APOM: variants seen among roughly 807,000 people sequenced by gnomAD.
The protein encoded by APOM is NG20-like protein.
A neutral mutation model predicts 23.5 loss-of-function variants in APOM; 24 were observed. The ratio of observed to expected loss-of-function variants is 1.02; its 90% CI spans 0.74 to 1.44. The LOEUF (loss-of-function observed/expected upper bound fraction) is 1.44, where lower values mean the gene tolerates loss of function less well. Among genes scored for constraint, APOM ranks in the 40% most tolerant of loss-of-function variants. The probability of loss-of-function intolerance (pLI) is 0.00; values close to 1 mark genes in which losing one functional copy is unlikely to be tolerated. For missense variants in APOM, 200 were observed against 233.2 expected (o/e 0.86, Z 0.93); for synonymous variants, 82 against 84.1 (o/e 0.97, Z 0.14).
At chr6:31,653,160 T>A (rs936762546), upstream of APOM, among the ~76,000 whole-genome samples, 1 of 152,182 alleles carries the variant, frequency 6.6e-6, no homozygotes, top group Admixed American at 6.5e-5. Flanking sequence ...AAAGTAAACG[T>A]GCTACTAAGT....
Position 31,656,471 on chromosome 6 carries a change from G to A in APOM, c.115-1G>A, listed in dbSNP as rs761476661. 3.1e-6 allele frequency: 5 copies of A among 1,613,670 alleles called. No homozygotes were observed. The African/African-American group carries it at 5.3e-5, about 17-fold the overall frequency. On this transcript the variant is annotated splice_acceptor_variant, in intron 1 of 5. Coordinates refer to ENST00000375916, the MANE Select transcript of APOM (RefSeq NM_019101.3). LOFTEE classifies it high-confidence loss of function. ...TTTTGCTCCCTTCATTGTCTCTCCAGTTCCCAGAGGTCCACTTGGGCCAGT... is the reference window on the plus strand; with the variant it reads ...TTTTGCTCCCTTCATTGTCTCTCCAATTCCCAGAGGTCCACTTGGGCCAGT...
rs41267062 is a variant in APOM at position 31,655,916 on chromosome 6, G to A, written c.-51G>A. 25 of 1,281,062 alleles carry A rather than the reference G, an allele frequency of 2.0e-5. No individual in the cohort carries two copies. Among genetic ancestry groups the A allele is most frequent in the Non-Finnish European group, 2.7e-5 (24 of 900,914 alleles). 79.4% of individuals were successfully genotyped at this position (1,281,062 alleles called of 1,614,324 possible). On this transcript the variant is annotated 5_prime_UTR_variant, in exon 1 of 6. Coordinates refer to ENST00000375916, the MANE Select transcript of APOM (RefSeq NM_019101.3). ...AGCAGAGTGGACTGAGCAGCCAGTA[G>A]GGGAGAGAGCAGTTAAGGCACACAG...
upstream of APOM, among the ~76,000 whole-genome samples, chr6:31,653,667 T>A (rs1235980918): frequency 6.6e-6 from 1 of 152,170 alleles, no homozygotes; most frequent in African/African-American, 2.4e-5. Flanking sequence ...ACTGCCCCAA[T>A]AAAAAGCTGT....
rs1309696253 is a variant in APOM, at chr6:31,656,029, C to T, written c.63C>T (p.Tyr21=). Residue 21 remains tyrosine, a synonymous_variant, in exon 1 of 6, where the codon TAC becomes TAT. Coordinates refer to ENST00000375916, the MANE Select transcript of APOM (RefSeq NM_019101.3). The stretch of plus-strand genomic sequence containing the variant: ...ATGGTATTATCCTTAACTCCATCTA[C>T]CAGTGCCCTGAGCACAGTCAACTGA... The part of the protein sequence containing the change: ...YFYGIILNSI[Y]QCPEHSQLTT... The T allele has an allele frequency of 1.2e-5, 19 of 1,594,144 alleles. No individual in the cohort carries two copies. The highest frequency in any genetic ancestry group is 1.6e-5 in the Non-Finnish European group (19 of 1,170,048).
At chr6:31,656,442 C>G (rs1404333846) in intron 1 of APOM, 30 bp from the exon 2 acceptor site, 10 of 1,608,532 alleles carry the variant, frequency 6.2e-6, no homozygotes, top group Non-Finnish European at 8.5e-6. Flanking sequence ...TGGAACCCAC[C>G]CTCTTTTGCT....
At position 31,657,613 on chromosome 6, in the gene APOM, T is replaced by C. The variant is rs1365647358; in HGVS notation, c.443-12T>C. 8.1e-6 allele frequency: 13 copies of C among 1,611,628 alleles called. No individual in the cohort carries two copies. Among genetic ancestry groups the C allele is most frequent in the Non-Finnish European group, 1.0e-5 (12 of 1,178,956 alleles). ...GGGTTTTGACTGGCCTGACCCCACCTTGCCCTTCCAGATCGCTCACCACAT... is the reference window on the plus strand; with the variant it reads ...GGGTTTTGACTGGCCTGACCCCACCCTGCCCTTCCAGATCGCTCACCACAT... On this transcript the variant is annotated splice_polypyrimidine_tract_variant and intron_variant, in intron 4 of 5. Coordinates refer to ENST00000375916, the MANE Select transcript of APOM (RefSeq NM_019101.3).
At chr6:31,653,040 T>C (rs1296016649), upstream of APOM, among the ~76,000 whole-genome samples, 2 of 152,140 alleles carry the variant, frequency 1.3e-5, no homozygotes, top group African/African-American at 4.8e-5. Flanking sequence ...TCAATTTTGT[T>C]CTCGGTTGCT....
At position 31,655,994 on chromosome 6, in the gene APOM, C is replaced by G. The variant is rs767889077; in HGVS notation, c.28C>G (p.Leu10Val). Residue 10 changes from leucine to valine, a missense_variant, in exon 1 of 6, where the codon CTC becomes GTC. Transcript: ENST00000375916. ...GTTCCACCAAATTTGGGCAGCTCTG[C>G]TCTACTTCTATGGTATTATCCTTAA... MFHQIWAAL[L>V]YFYGIILNSI... The G allele has an allele frequency of 1.2e-6, 2 of 1,601,156 alleles. No homozygotes were observed. Among genetic ancestry groups the G allele is most frequent in the South Asian group, 1.1e-5 (1 of 88,828 alleles).
At chr6:31,654,411 G>C (rs572478594), upstream of APOM, among the ~76,000 whole-genome samples, 1 of 152,144 alleles carries the variant, frequency 6.6e-6, no homozygotes, top group Non-Finnish European at 1.5e-5. Context: ...TATCAAGCTA[G>C]GTGTGGTGGC....
chr6:31,657,414 C>T lies in APOM; in HGVS notation c.378C>T (p.Ser126=), dbSNP rs2151145956. 3.7e-6 allele frequency: 6 copies of T among 1,613,076 alleles called. No homozygotes were observed. Among genetic ancestry groups the T allele is most frequent in the Non-Finnish European group, 5.1e-6 (6 of 1,180,048 alleles). ...ACATGAAGACTGAGCTCTTTTCCAG[C>T]TCATGCCCAGGTGGAATCATGCTGA... ...RPDMKTELFS[S]SCPGGIMLNE... is the part of the protein sequence containing the mutation. The change falls in exon 4 of 6, where the codon AGC becomes AGT. Residue 126 remains serine (S), a synonymous_variant. Coordinates refer to ENST00000375916, the MANE Select transcript of APOM (RefSeq NM_019101.3).
chr6:31,657,390 C>G lies in APOM; in HGVS notation c.354C>G (p.Asp118Glu). 1 of 1,613,096 alleles carries G rather than the reference C, an allele frequency of 6.2e-7. No homozygotes were observed. Among genetic ancestry groups the G allele is most frequent in the Non-Finnish European group, 8.5e-7 (1 of 1,180,038 alleles). ...CACCTGCCTTGACAGGCCGCCCTGA[C>G]ATGAAGACTGAGCTCTTTTCCAGCT... ...STDLRTEGRPDMKTELFSSSC... is the reference protein window; with the variant it reads ...STDLRTEGRPEMKTELFSSSC... The change falls in exon 4 of 6, where the codon GAC becomes GAG. Residue 118 changes from aspartate to glutamate, a missense_variant. Physicochemically the swap from Asp to Glu is conservative, Grantham distance 45. Transcript: ENST00000375916.
upstream of APOM, chr6:31,655,893 C>T: frequency 3.0e-6 from 3 of 999,176 alleles, no homozygotes; most frequent in Non-Finnish European, 4.6e-6. Context: ...GAGCTGAAAG[C>T]AGAGTGGACT....
At chr6:31,657,010 G>T (rs1458807981) in intron 2 of APOM, among the ~76,000 whole-genome samples, 1 of 152,144 alleles carries the variant, frequency 6.6e-6, no homozygotes. Flanking sequence ...GCTGGGCATG[G>T]TGGTGGGCAC....
upstream of APOM, among the ~76,000 whole-genome samples, chr6:31,652,866 G>A (rs936708112): frequency 1.1e-4 from 16 of 152,346 alleles, 1 homozygote; most frequent in African/African-American, 3.8e-4. Flanking sequence ...GGAGATGGGG[G>A]ATTATGCCAC....
chr6:31,656,688 A>T (rs113947529), intron 2 of APOM, 62 bp downstream of exon 2: 44,760 of 1,571,640 alleles, frequency 0.028, 1,406 homozygotes, highest in African/African-American at 0.12. Flanking sequence ...GTGAGAATCC[A>T]CCCACCAAGA....
upstream of APOM, among the ~76,000 whole-genome samples, chr6:31,653,456 T>A (rs1340422797): frequency 4.6e-5 from 7 of 152,280 alleles, no homozygotes; most frequent in East Asian, 1.3e-3. Flanking sequence ...CAGGTCCTGG[T>A]TATATTTTAG....
chr6:31,653,843 T>C (rs1359409807), upstream of APOM, among the ~76,000 whole-genome samples: 1 of 152,284 alleles, frequency 6.6e-6, no homozygotes, highest in South Asian at 2.1e-4. Context: ...CACACCTGGC[T>C]AATTTTATTT....
chr6:31,654,387 A>G (rs1253452715), upstream of APOM, among the ~76,000 whole-genome samples: 1 of 152,088 alleles, frequency 6.6e-6, no homozygotes, highest in Admixed American at 6.5e-5. Context: ...GTGGCAGTCC[A>G]TGGGATATAA....
rs1800097715 is a variant in APOM at position 31,656,642 on chromosome 6, G to A, written c.269+16G>A. 1 of 1,611,428 alleles carries A rather than the reference G, an allele frequency of 6.2e-7. No individual in the cohort carries two copies. The highest frequency in any genetic ancestry group is 1.7e-4 in the Middle Eastern group (1 of 6,026). On this transcript the variant is annotated intron_variant, in intron 2 of 5. Coordinates refer to ENST00000375916, the MANE Select transcript of APOM (RefSeq NM_019101.3). ...CCATCCGCATGTGAGTGGTAAGGAG[G>A]CAGAAGCATCACTGGGTTCAGTCTC...
Sources: allele counts gnomAD v4.1 joint callset (sites outside exome capture counted in the v4.1 genomes callset), GRCh38; gene constraint gnomAD v4.1.1; transcripts MANE v1.5; gene names NCBI Gene and HGNC (gene_info 2026-07-23, HGNC 2026-07-21).